The following LGR6 variants were observed in gnomAD, a reference collection of about 807,000 sequenced individuals.
The protein encoded by LGR6 is leucine rich repeat containing G protein-coupled receptor 6.
Under a neutral mutation model 69.4 loss-of-function variants are expected in LGR6, and 45 were observed. The ratio of observed to expected loss-of-function variants is 0.65; its 90% CI spans 0.51 to 0.83. The LOEUF (loss-of-function observed/expected upper bound fraction) is 0.83, where lower values mean the gene tolerates loss of function less well. LGR6 is among the 40% of genes least tolerant of loss of function. The pLI is 0.00. For missense variants in LGR6, 1,108 were observed against 1,246.7 expected (o/e 0.89, Z 1.68); for synonymous variants, 538 against 555.0 (o/e 0.97, Z 0.43).
At chr1:202,303,230 T>C (rs776842161) in intron 9 of LGR6, 49 bp from the exon 10 acceptor site, 1 of 1,372,134 alleles carries the variant, frequency 7.3e-7, no homozygotes, top group Non-Finnish European at 1.0e-6. Flanking sequence ...AGTCTTGATG[T>C]TGAGATGCTC....
intron 4 of LGR6, among the ~76,000 whole-genome samples, chr1:202,245,533 A>G (rs1248641398): frequency 6.6e-6 from 1 of 152,150 alleles, no homozygotes; most frequent in African/African-American, 2.4e-5. Context: ...CCTTCCTGCT[A>G]GCCCTCTCTG....
chr1:202,305,853 T>C, intron 12 of LGR6, 104 bp downstream of exon 12: 1 of 892,932 alleles, frequency 1.1e-6, no homozygotes, highest in South Asian at 1.4e-5. Flanking sequence ...ATGCACACTT[T>C]GACATTTCTT....
chr1:202,280,823 C>T lies in LGR6; in HGVS notation c.687C>T (p.Ser229=), dbSNP rs781133204. The T allele has an allele frequency of 1.2e-6, 2 of 1,614,108 alleles. No homozygotes were observed. Among genetic ancestry groups the T allele is most frequent in the Admixed American group, 3.3e-5 (2 of 60,026 alleles). Residue 229 remains serine (S), a synonymous_variant, in exon 6 of 18, where the codon AGC becomes AGT. Coordinates refer to ENST00000367278, the MANE Select transcript of LGR6 (RefSeq NM_001017403.2). The part of the protein sequence containing the change: ...NNRIQHLGTH[S]FEGLHNLETL... ...GCATCCAGCATCTGGGGACCCACAGCTTCGAGGGGCTGCACAATCTGGAGA... is the reference window on the plus strand; with the variant it reads ...GCATCCAGCATCTGGGGACCCACAGTTTCGAGGGGCTGCACAATCTGGAGA...
rs571351053 is a variant in LGR6 at position 202,264,711 on chromosome 1, A to G, written c.429-11595A>G. On this transcript the variant is annotated intron_variant, in intron 4 of 17. Transcript: ENST00000367278. ...GGGGAAGCTCCTAAAGGCTACACAC[A>G]GAGGCACTTCCCTGTCTCCCTCCTG... Among the ~76,000 whole-genome samples the G allele has an allele frequency of 2.6e-5, 4 of 152,338 alleles. 1 individual carries two copies. The highest frequency in any genetic ancestry group is 2.6e-4 in the Admixed American group (4 of 15,308).
At chr1:202,289,726 G>T (rs1444163320) in intron 6 of LGR6, among the ~76,000 whole-genome samples, 2 of 152,188 alleles carry the variant, frequency 1.3e-5, no homozygotes, top group African/African-American at 2.4e-5. Flanking sequence ...CAAGCACGTG[G>T]AGTCATATTT....
intron 9 of LGR6, 72 bp from the exon 10 acceptor site, chr1:202,303,207 A>C (rs1667734107): frequency 1.7e-6 from 2 of 1,168,384 alleles, no homozygotes; most frequent in South Asian, 2.5e-5. Context: ...GGGAGACAAA[A>C]TGGAGAATTG....
At chr1:202,199,596 T>G (rs1201159074) in intron 1 of LGR6, among the ~76,000 whole-genome samples, 2 of 48,716 alleles carry the variant, frequency 4.1e-5, no homozygotes, top group Non-Finnish European at 7.9e-5. Context: ...CTTCCCCCCA[T>G]TCCATGGGCT....
chr1:202,255,334 T>C lies in LGR6; in HGVS notation c.428+19341T>C, dbSNP rs138429616. Reference sequence around the variant, plus strand: ...GGGGTCCTGGACCACAGCAGTGGCCTTGGGGTCAGGAGGAGCGGGCATGGC... The same window carrying C: ...GGGGTCCTGGACCACAGCAGTGGCCCTGGGGTCAGGAGGAGCGGGCATGGC... On this transcript the variant is annotated intron_variant, in intron 4 of 17. Transcript: ENST00000367278. Among the ~76,000 whole-genome samples, 258 of 152,304 alleles carry C rather than the reference T, an allele frequency of 1.7e-3. No homozygotes were observed. The South Asian group carries it at 0.019, about 11-fold the overall frequency.
At chr1:202,214,224 C>A (rs1466334254) in intron 1 of LGR6, 6 of 1,542,026 alleles carry the variant, frequency 3.9e-6, no homozygotes, top group Non-Finnish European at 5.2e-6. Flanking sequence ...GAGTGCACGG[C>A]GCGGTGCGCC....
At chr1:202,223,656 G>A (rs1444134713) in intron 1 of LGR6, among the ~76,000 whole-genome samples, 1 of 151,916 alleles carries the variant, frequency 6.6e-6, no homozygotes, top group African/African-American at 2.4e-5. Context: ...TTTGAAGTAG[G>A]ATGGAATGCA....
At chr1:202,240,544 T>C (rs1662099502) in intron 4 of LGR6, among the ~76,000 whole-genome samples, 1 of 152,104 alleles carries the variant, frequency 6.6e-6, no homozygotes, top group South Asian at 2.1e-4. Context: ...AGTTGGTCAG[T>C]TGACCTGCAG....
At position 202,204,371 on chromosome 1, in the gene LGR6, CCTCCA is replaced by C. The variant is rs1429977950; in HGVS notation, c.212+10172_212+10176del. On this transcript the variant is annotated intron_variant, in intron 1 of 17. Transcript: ENST00000367278. Reference sequence around the variant, plus strand: ...ACACACACACCTCCACACACACACACCTCCACACACACACCTCCACACACACACCT... The same window carrying C: ...ACACACACACCTCCACACACACACACCACACACACCTCCACACACACACCT... Among the ~76,000 whole-genome samples, 5 of 115,498 alleles carry C rather than the reference CCTCCA, an allele frequency of 4.3e-5. 1 individual carries two copies. The highest frequency in any genetic ancestry group is 9.7e-5 in the Non-Finnish European group (5 of 51,570). 75.8% of individuals were successfully genotyped at this position (115,498 alleles called of 152,430 possible). A position where few individuals can be genotyped will look rare whatever the true frequency, so the allele number is the denominator to read the frequency against.
Position 202,319,314 on chromosome 1 carries a change from C to G in LGR6, c.*107C>G. ...TACAACCAAAACTCAGCAGTGTGAT[C>G]TATAGCAGGATGGCCCAGTCCCTGG... On this transcript the variant is annotated 3_prime_UTR_variant, in exon 18 of 18. Coordinates refer to ENST00000367278, the MANE Select transcript of LGR6 (RefSeq NM_001017403.2). The G allele has an allele frequency of 7.9e-7, 1 of 1,265,202 alleles. No homozygotes were observed. Among genetic ancestry groups the G allele is most frequent in the Non-Finnish European group, 1.1e-6 (1 of 937,150 alleles). 78.4% of individuals were successfully genotyped at this position (1,265,202 alleles called of 1,614,324 possible).
chr1:202,203,906 TG>T lies in LGR6; in HGVS notation c.212+9711del, dbSNP rs753128632. ...TTGTTGCATGAAGCAAGATCCTCCTTGGGGGGTGTTTAGCACAGAGGGGGTG... is the reference window on the plus strand; with the variant it reads ...TTGTTGCATGAAGCAAGATCCTCCTTGGGGGTGTTTAGCACAGAGGGGGTG... On this transcript the variant is annotated intron_variant, in intron 1 of 17. Coordinates refer to ENST00000367278, the MANE Select transcript of LGR6 (RefSeq NM_001017403.2). 9.1e-6 allele frequency: 14 copies of T among 1,541,338 alleles called. No homozygotes were observed. In the African/African-American group the frequency reaches 1.8e-4, roughly 19 times the overall value.
chr1:202,249,514 T>A (rs777519523), intron 4 of LGR6, among the ~76,000 whole-genome samples: 22 of 152,198 alleles, frequency 1.4e-4, no homozygotes, highest in Non-Finnish European at 2.1e-4. Flanking sequence ...TAGCTTAGAT[T>A]GGTACAATGA....
chr1:202,298,433 A>G (rs1488864809), intron 7 of LGR6, among the ~76,000 whole-genome samples: 1 of 152,140 alleles, frequency 6.6e-6, no homozygotes, highest in Admixed American at 6.5e-5. Context: ...TCAGGAAACA[A>G]TAAGAGCTCT....
intron 4 of LGR6, among the ~76,000 whole-genome samples, 195 bp from the exon 5 acceptor site, chr1:202,276,111 A>T (rs1386619428): frequency 1.3e-5 from 2 of 152,354 alleles, no homozygotes; most frequent in Middle Eastern, 3.4e-3. Flanking sequence ...CAACAAAAAA[A>T]GAACTATGGG....
chr1:202,318,732 C>G lies in LGR6; in HGVS notation c.2429C>G (p.Ser810Cys). 6.2e-7 allele frequency: 1 copy of G among 1,613,600 alleles called. No individual in the cohort carries two copies. The highest frequency in any genetic ancestry group is 8.5e-7 in the Non-Finnish European group (1 of 1,180,006). ...LFPVTPEAVKSVLLVVLPLPA... is the reference protein window; with the variant it reads ...LFPVTPEAVKCVLLVVLPLPA... ...CCTGTCACGCCCGAGGCCGTCAAGTCTGTCCTGCTGGTGGTGCTGCCCCTG... is the reference window on the plus strand; with the variant it reads ...CCTGTCACGCCCGAGGCCGTCAAGTGTGTCCTGCTGGTGGTGCTGCCCCTG... Residue 810 changes from serine to cysteine, a missense_variant, in exon 18 of 18, where the codon TCT (serine) becomes TGT (cysteine). Ser to Cys is a moderately radical substitution (Grantham distance 112, BLOSUM62 -1). Coordinates refer to ENST00000367278, the MANE Select transcript of LGR6 (RefSeq NM_001017403.2).
chr1:202,229,403 G>A (rs1264297326), intron 3 of LGR6, among the ~76,000 whole-genome samples: 4 of 152,174 alleles, frequency 2.6e-5, no homozygotes, highest in Non-Finnish European at 4.4e-5. Context: ...GGGGAGCAGG[G>A]GAGGCATTCT....
Sources: gnomAD v4.1 joint callset for allele counts (sites outside exome capture counted in the v4.1 genomes callset) on GRCh38, gnomAD v4.1.1 for gene constraint, MANE v1.5 for transcripts, NCBI Gene and HGNC (gene_info 2026-07-23, HGNC 2026-07-21) for gene names.